LRRTM4: variants seen among roughly 807,000 people sequenced by gnomAD.
The protein encoded by LRRTM4 is leucine rich repeat transmembrane neuronal 4, also known as leucine-rich repeat transmembrane neuronal protein 4.
In LRRTM4, 25 loss-of-function variants were observed where a neutral mutation model predicts 47.6. The observed-to-expected ratio is 0.53, with a 90% CI of 0.38 to 0.73. The LOEUF (loss-of-function observed/expected upper bound fraction) is 0.73. Ranked by LOEUF, LRRTM4 falls within the 30% of genes least tolerant of loss-of-function variation. The pLI, the probability that LRRTM4 is intolerant of heterozygous loss-of-function variation, is 0.00. For synonymous variants in LRRTM4, 311 were observed against 269.5 expected, an observed-to-expected ratio of 1.15 and a Z score of -1.51; for missense variants, 638 against 713.4, an observed-to-expected ratio of 0.89 and a Z score of 1.20.
intron 3 of LRRTM4, among the ~76,000 whole-genome samples, chr2:77,406,281 C>T (rs921380201): frequency 2.6e-5 from 4 of 152,100 alleles, no homozygotes; most frequent in East Asian, 1.9e-4. Flanking sequence ...AACCAATTAA[C>T]GTGTAATAGA....
rs1396903128 is a variant in LRRTM4 at position 77,221,733 on chromosome 2, T to A, written c.1551+296585A>T. The stretch of plus-strand genomic sequence containing the variant: ...AGTCCTGAGTGACCTACAAAGAGAC[T>A]TAGACTCCCACACAATAATAATGGG... On this transcript the variant is annotated intron_variant, in intron 3 of 3. Transcript: ENST00000409884. Among the ~76,000 whole-genome samples, 14 of 152,086 alleles carry A rather than the reference T, an allele frequency of 9.2e-5. No individual in the cohort carries two copies. The East Asian group carries it at 2.5e-3, about 27-fold the overall frequency.
intron 3 of LRRTM4, among the ~76,000 whole-genome samples, chr2:76,751,361 CAA>C (rs77125932): frequency 0.07 from 10,618 of 152,114 alleles, 744 homozygotes; most frequent in East Asian, 0.3. Flanking sequence ...AAAATAGTAA[CAA>C]GAGTATTTCT....
chr2:77,406,962 G>A (rs959862958), intron 3 of LRRTM4, among the ~76,000 whole-genome samples: 1 of 152,134 alleles, frequency 6.6e-6, no homozygotes, highest in African/African-American at 2.4e-5. Context: ...TCTCTTTCAG[G>A]AGGCTGCTGA....
At chr2:77,220,868 C>T (rs1279827689) in intron 3 of LRRTM4, among the ~76,000 whole-genome samples, 2 of 152,276 alleles carry the variant, frequency 1.3e-5, no homozygotes, top group South Asian at 2.1e-4. Flanking sequence ...CACAAAGATA[C>T]TCCTTGAGAA....
intron 3 of LRRTM4, among the ~76,000 whole-genome samples, chr2:77,177,792 G>A (rs1357326667): frequency 6.6e-6 from 1 of 152,158 alleles, no homozygotes; most frequent in East Asian, 1.9e-4. Flanking sequence ...TGTGAGTACA[G>A]CCCCTCTTCA....
Position 77,476,051 on chromosome 2 carries a change from C to T in LRRTM4, c.1551+42267G>A, listed in dbSNP as rs141994149. ...AGAAAAAATTAATTAGTATATTTCC[C>T]TATTGATTAATACTGACGTTTTCTG... On this transcript the variant is annotated intron_variant, in intron 3 of 3. Transcript: ENST00000409884. 8.7e-4 allele frequency among the ~76,000 whole-genome samples: 132 copies of T among 151,918 alleles called. 1 individual carries two copies. In the East Asian group the frequency reaches 0.024, roughly 28 times the overall value.
intron 3 of LRRTM4, among the ~76,000 whole-genome samples, chr2:76,801,162 G>T (rs920546253): frequency 3.3e-5 from 5 of 152,020 alleles, no homozygotes; most frequent in Non-Finnish European, 5.9e-5. Context: ...CCCATTACTG[G>T]GTATATACCC....
intron 3 of LRRTM4, among the ~76,000 whole-genome samples, chr2:76,979,660 T>C (rs1676536299): frequency 1.3e-5 from 2 of 150,966 alleles, no homozygotes; most frequent in African/African-American, 4.9e-5. Flanking sequence ...AAGAGCTTGG[T>C]TGTGTTTGAA....
rs147809778 is a variant in LRRTM4 at position 76,941,261 on chromosome 2, A to G, written c.1552-192345T>C. ...TATTATATTTTATATATTGAGTCAT[A>G]TTTGATTAATTCCCAGGCAAAAAGT... On this transcript the variant is annotated intron_variant, in intron 3 of 3. Transcript: ENST00000409884. Among the ~76,000 whole-genome samples, 1,436 of 152,314 alleles carry G rather than the reference A, an allele frequency of 9.4e-3. 8 individuals are homozygous for G. The highest frequency in any genetic ancestry group is 0.015 in the South Asian group (72 of 4,832).
chr2:77,331,411 C>A (rs554453715), intron 3 of LRRTM4, among the ~76,000 whole-genome samples: 2 of 152,052 alleles, frequency 1.3e-5, no homozygotes, highest in Admixed American at 6.6e-5. Context: ...TAGAGGGCAG[C>A]GATTATCCAG....
chr2:77,351,344 T>C (rs1484722179), intron 3 of LRRTM4, among the ~76,000 whole-genome samples: 1 of 151,806 alleles, frequency 6.6e-6, no homozygotes, highest in Non-Finnish European at 1.5e-5. Flanking sequence ...TTAAGTGTTG[T>C]ATTTCATAGC....
At chr2:76,971,599 G>A (rs1446728) in intron 3 of LRRTM4, among the ~76,000 whole-genome samples, 1 of 151,880 alleles carries the variant, frequency 6.6e-6, no homozygotes, top group East Asian at 1.9e-4. Context: ...TATATATCTG[G>A]ATGGTGTCTT....
intron 3 of LRRTM4, among the ~76,000 whole-genome samples, chr2:77,012,217 T>C (rs1677900661): frequency 6.6e-6 from 1 of 152,140 alleles, no homozygotes; most frequent in Admixed American, 6.6e-5. Context: ...CAAGTATTTC[T>C]AGGTCCTGTC....
chr2:77,396,116 G>T (rs1006246305), intron 3 of LRRTM4, among the ~76,000 whole-genome samples: 1 of 151,394 alleles, frequency 6.6e-6, no homozygotes, highest in Admixed American at 6.6e-5. Context: ...TAATTTTGTT[G>T]TTTTTTTAAT....
chr2:77,083,965 T>C (rs1229043392), intron 3 of LRRTM4, among the ~76,000 whole-genome samples: 3 of 151,578 alleles, frequency 2.0e-5, no homozygotes, highest in Admixed American at 1.3e-4. Flanking sequence ...CCACTGCGCC[T>C]GGCTAATTTT....
chr2:77,290,109 T>C (rs1423723437), intron 3 of LRRTM4, among the ~76,000 whole-genome samples: 1 of 151,990 alleles, frequency 6.6e-6, no homozygotes, highest in African/African-American at 2.4e-5. Context: ...AGGAGAGTTT[T>C]CAACTGTGTG....
intron 3 of LRRTM4, among the ~76,000 whole-genome samples, chr2:77,273,241 G>A (rs190613854): frequency 2.2e-4 from 33 of 152,144 alleles, no homozygotes; most frequent in African/African-American, 6.5e-4. Context: ...AATAGATAAT[G>A]CTATTAATGG....
intron 3 of LRRTM4, among the ~76,000 whole-genome samples, chr2:77,106,247 A>G (rs1449784762): frequency 7.9e-5 from 12 of 152,190 alleles, no homozygotes; most frequent in Admixed American, 7.9e-4. Context: ...TCTCTTTAAA[A>G]TGTAGGTATT....
At chr2:77,329,609 A>G (rs765250357) in intron 3 of LRRTM4, among the ~76,000 whole-genome samples, 1 of 152,158 alleles carries the variant, frequency 6.6e-6, no homozygotes, top group Non-Finnish European at 1.5e-5. Flanking sequence ...TTAAGAAAGT[A>G]TACAGCATGG....
Sources: allele counts gnomAD v4.1 joint callset (sites outside exome capture counted in the v4.1 genomes callset), GRCh38; gene constraint gnomAD v4.1.1; transcripts MANE v1.5; gene names NCBI Gene and HGNC (gene_info 2026-07-23, HGNC 2026-07-21).